Variants in DLC1 observed in about 807,000 individuals in gnomAD.
DLC1 encodes DLC1 Rho GTPase activating protein, also known as rho GTPase-activating protein 7.
A neutral mutation model predicts 140.3 loss-of-function variants in DLC1; 54 were observed. The observed-to-expected ratio is 0.38, with a 90% CI of 0.31 to 0.48. The LOEUF is 0.48. Among genes scored for constraint, DLC1 ranks in the 20% least tolerant of loss-of-function variants. The pLI, the probability that DLC1 is intolerant of heterozygous loss-of-function variation, is 0.96. For missense variants in DLC1, 2,536 were observed against 1,907.0 expected (o/e 1.33, Z -6.14); for synonymous variants, 986 against 728.1 (o/e 1.35, Z -5.70).
At chr8:13,445,158 G>T (rs937646620) in intron 2 of DLC1, among the ~76,000 whole-genome samples, 1 of 151,958 alleles carries the variant, frequency 6.6e-6, no homozygotes. Flanking sequence ...GGAAGGGAGA[G>T]AGAAAGAGAA....
rs542662321 is a variant in DLC1, at chr8:13,545,418, T to TA, written c.-125-45223dup. On this transcript the variant is annotated intron_variant, in intron 1 of 1. Coordinates refer to the DLC1 transcript ENST00000631382. The stretch of plus-strand genomic sequence containing the variant: ...GCAGGAAAACTTAGGTTGTTTCCCC[T>TA]AAGTCATCTTTGCCGGCCAATATTC... Among the ~76,000 whole-genome samples, 467 of 152,126 alleles carry TA rather than the reference T, an allele frequency of 3.1e-3. 2 individuals are homozygous for TA. Among genetic ancestry groups the TA allele is most frequent in the African/African-American group, 0.011 (447 of 41,540 alleles).
chr8:13,310,189 T>G (rs1355591649), intron 4 of DLC1, among the ~76,000 whole-genome samples: 3 of 152,164 alleles, frequency 2.0e-5, no homozygotes, highest in African/African-American at 7.2e-5. Flanking sequence ...CAGAGCACTA[T>G]CTATTTTGTG....
At position 13,301,696 on chromosome 8, in the gene DLC1, T is replaced by C. The variant is rs546954128; in HGVS notation, c.1348+3573A>G. Reference sequence around the variant, plus strand: ...CAAGCCCTGGACCAGTACCGGTCTGTGATCTGTTAGGAACCAGGCTGCACA... The same window carrying C: ...CAAGCCCTGGACCAGTACCGGTCTGCGATCTGTTAGGAACCAGGCTGCACA... On this transcript the variant is annotated intron_variant, in intron 5 of 17. Transcript: ENST00000276297. 2.6e-5 allele frequency among the ~76,000 whole-genome samples: 4 copies of C among 152,280 alleles called. No homozygotes were observed. In the South Asian group the frequency reaches 8.3e-4, roughly 32 times the overall value.
chr8:13,262,001 A>G (rs960095531), intron 5 of DLC1, among the ~76,000 whole-genome samples: 14 of 152,330 alleles, frequency 9.2e-5, no homozygotes, highest in African/African-American at 3.4e-4. Flanking sequence ...CAAAATGTCA[A>G]TCTCACCTTC....
At chr8:13,128,697 G>C (rs1426685350) in intron 5 of DLC1, among the ~76,000 whole-genome samples, 1 of 152,110 alleles carries the variant, frequency 6.6e-6, no homozygotes, top group East Asian at 1.9e-4. Context: ...GCTGGGCATT[G>C]TGGCGGCGCC....
chr8:13,225,858 G>A (rs1364202940), intron 5 of DLC1, among the ~76,000 whole-genome samples: 3 of 152,074 alleles, frequency 2.0e-5, no homozygotes, highest in East Asian at 3.9e-4. Context: ...CTCGCGATCC[G>A]CCTGCCTTGG....
chr8:13,374,537 C>A (rs1352338989), intron 4 of DLC1, among the ~76,000 whole-genome samples: 1 of 152,164 alleles, frequency 6.6e-6, no homozygotes, highest in Non-Finnish European at 1.5e-5. Context: ...GTAATCCCAG[C>A]ACTGTGGGAG....
intron 2 of DLC1, among the ~76,000 whole-genome samples, chr8:13,437,434 C>T (rs1055102782): frequency 6.6e-6 from 1 of 152,212 alleles, no homozygotes. Flanking sequence ...TATTTTCCTA[C>T]AGTCAAAACA....
At chr8:13,443,815 A>C (rs1798654102) in intron 2 of DLC1, among the ~76,000 whole-genome samples, 1 of 152,304 alleles carries the variant, frequency 6.6e-6, no homozygotes, top group African/African-American at 2.4e-5. Flanking sequence ...CAGAGGTTAT[A>C]TTGAATTTTT....
chr8:13,309,879 T>G (rs1832602536), intron 4 of DLC1, among the ~76,000 whole-genome samples: 2 of 152,208 alleles, frequency 1.3e-5, no homozygotes, highest in Admixed American at 1.3e-4. Flanking sequence ...AATTTCTTCC[T>G]GATGACTTAG....
chr8:13,453,556 ATTTTTT>A (rs370075708), intron 2 of DLC1, among the ~76,000 whole-genome samples: 1 of 26,910 alleles, frequency 3.7e-5, no homozygotes, highest in African/African-American at 1.7e-4. Flanking sequence ...ATATATATAT[ATTTTTT>A]TTTTTTTTTT....
intron 3 of DLC1, 126 bp from the exon 4 acceptor site, chr8:13,393,819 G>C: frequency 9.0e-7 from 1 of 1,110,530 alleles, no homozygotes; most frequent in Middle Eastern, 3.0e-4. Flanking sequence ...AAGAGTTGCT[G>C]ACAACTGACA....
chr8:13,249,169 T>C (rs1829896441), intron 5 of DLC1, among the ~76,000 whole-genome samples: 1 of 152,132 alleles, frequency 6.6e-6, no homozygotes, highest in Non-Finnish European at 1.5e-5. Flanking sequence ...CTCTGCCTCC[T>C]GGGTTCAAGC....
chr8:13,528,964 A>G (rs1803006677), intron 1 of DLC1, among the ~76,000 whole-genome samples: 1 of 152,146 alleles, frequency 6.6e-6, no homozygotes, highest in Admixed American at 6.6e-5. Flanking sequence ...GCATGCTTGA[A>G]CACTGTCCTT....
At chr8:13,593,169 A>T (rs1453550351) in intron 1 of DLC1, among the ~76,000 whole-genome samples, 1 of 152,094 alleles carries the variant, frequency 6.6e-6, no homozygotes, top group Non-Finnish European at 1.5e-5. Flanking sequence ...CACCCATTTT[A>T]TTAGCAGCAG....
intron 1 of DLC1, among the ~76,000 whole-genome samples, chr8:13,537,381 G>A (rs1012594380): frequency 6.6e-6 from 1 of 152,162 alleles, no homozygotes; most frequent in African/African-American, 2.4e-5. Context: ...CTCACTGAGT[G>A]TTCTTTCATG....
chr8:13,475,177 AG>A (rs1376239846), intron 2 of DLC1, among the ~76,000 whole-genome samples: 1 of 152,180 alleles, frequency 6.6e-6, no homozygotes, highest in Non-Finnish European at 1.5e-5. Context: ...AAAGAAAATA[AG>A]TTTCTAAATA....
intron 7 of DLC1, among the ~76,000 whole-genome samples, chr8:13,103,307 T>C (rs1819259396): frequency 7.7e-6 from 1 of 130,004 alleles, no homozygotes; most frequent in South Asian, 2.7e-4. Context: ...TGAGACTCCT[T>C]CTCAAAATAA....
At position 13,094,779 on chromosome 8, in the gene DLC1, G is replaced by A. The variant is rs1377765047; in HGVS notation, c.3506C>T (p.Thr1169Ile). Reference protein sequence around the residue: ...EPLMTNKLSETFLQIYQYVPK... With the variant: ...EPLMTNKLSEIFLQIYQYVPK... ...CTCACATTGGTAGATCTGTAGAAAG[G>A]TTTCCGAGAGTTTGTTCGTCATTAG... Residue 1169 changes from threonine to isoleucine, a missense_variant, in exon 12 of 18, where the codon ACC (threonine) becomes ATC (isoleucine). Transcript: ENST00000276297. 4 of 1,614,194 alleles carry A rather than the reference G, an allele frequency of 2.5e-6. No individual in the cohort carries two copies. The highest frequency in any genetic ancestry group is 1.1e-5 in the South Asian group (1 of 91,082).
Sources: allele counts gnomAD v4.1 joint callset (sites outside exome capture counted in the v4.1 genomes callset), GRCh38; gene constraint gnomAD v4.1.1; transcripts MANE v1.5; gene names NCBI Gene and HGNC (gene_info 2026-07-23, HGNC 2026-07-21).